The following ZNF540 variants were observed in gnomAD, a reference collection of about 807,000 sequenced individuals.
ZNF540 encodes zinc finger protein 540, also known as CTD-3064H18.6.
In ZNF540, 3 loss-of-function variants were observed where a neutral mutation model predicts 11.8. That is an observed-to-expected ratio of 0.25 (90% confidence interval 0.12 to 0.65). The LOEUF is 0.65. Among genes scored for constraint, ZNF540 ranks in the 30% least tolerant of loss-of-function variants. ZNF540 has a pLI of 0.83. For synonymous variants in ZNF540, 247 were observed against 259.0 expected (o/e 0.95, Z 0.45); for missense variants, 709 against 793.1 (o/e 0.89, Z 1.27).
At position 37,613,515 on chromosome 19, in the gene ZNF540, A is replaced by C. The variant is rs935784375; in HGVS notation, c.*252A>C. 2 of 403,302 alleles carry C rather than the reference A, an allele frequency of 5.0e-6. No homozygotes were observed. Among genetic ancestry groups the C allele is most frequent in the Non-Finnish European group, 8.8e-6 (2 of 228,120 alleles). The allele number at this position is 403,302 out of a possible 1,614,324, so 25.0% of individuals were successfully genotyped here. On this transcript the variant is annotated 3_prime_UTR_variant, in exon 5 of 5. Transcript: ENST00000316433. The stretch of plus-strand genomic sequence containing the variant: ...ATCATTGCCTTTCCACTACTCTACT[A>C]TCTGTGTGATATTAGACAAAATATT...
intron 1 of ZNF540, chr19:37,586,428 A>G: frequency 1.8e-6 from 1 of 558,672 alleles, no homozygotes; most frequent in Non-Finnish European, 3.2e-6. Context: ...TCTGGGCAGA[A>G]GACTATGCCT....
intron 1 of ZNF540, among the ~76,000 whole-genome samples, chr19:37,584,904 C>T (rs2043612494): frequency 6.8e-6 from 1 of 147,004 alleles, no homozygotes; most frequent in African/African-American, 2.5e-5. Flanking sequence ...GCGGAGCTTG[C>T]AGTGAGCCGA....
chr19:37,612,468 A>G lies in ZNF540; in HGVS notation c.1188A>G (p.Gly396=). 1.9e-6 allele frequency: 3 copies of G among 1,614,198 alleles called. No homozygotes were observed. The highest frequency in any genetic ancestry group is 2.5e-6 in the Non-Finnish European group (3 of 1,180,040). The change falls in exon 5 of 5, where the codon GGA becomes GGG. Residue 396 remains glycine, a synonymous_variant. Coordinates refer to ENST00000316433, the MANE Select transcript of ZNF540 (RefSeq NM_001172225.3). The part of the protein sequence containing the change: ...KECGKSFNVR[G]QLNRHKTIHT... ...GTGGGAAATCATTTAATGTGCGTGGACAGCTTAATCGGCATAAAACAATCC... is the reference window on the plus strand; with the variant it reads ...GTGGGAAATCATTTAATGTGCGTGGGCAGCTTAATCGGCATAAAACAATCC...
intron 1 of ZNF540, among the ~76,000 whole-genome samples, chr19:37,576,711 T>C (rs2147179243): frequency 6.6e-6 from 1 of 152,286 alleles, no homozygotes; most frequent in South Asian, 2.1e-4. Context: ...AAATAAACTA[T>C]GAAAGTGATT....
chr19:37,596,472 G>A (rs766944832), intron 1 of ZNF540, among the ~76,000 whole-genome samples: 2 of 152,074 alleles, frequency 1.3e-5, no homozygotes, highest in Non-Finnish European at 2.9e-5. Context: ...AAAGTTTGCA[G>A]ACTCCCAATC....
chr19:37,583,168 T>C (rs1568355622), intron 1 of ZNF540, among the ~76,000 whole-genome samples: 1 of 152,316 alleles, frequency 6.6e-6, no homozygotes, highest in East Asian at 1.9e-4. Flanking sequence ...GCCAACTTTA[T>C]TCAGGTCTTA....
intron 1 of ZNF540, among the ~76,000 whole-genome samples, chr19:37,571,064 G>C (rs1185479149): frequency 6.6e-6 from 1 of 152,132 alleles, no homozygotes; most frequent in African/African-American, 2.4e-5. Context: ...AACAGACTTA[G>C]AATCACTCAT....
At chr19:37,582,366 T>C (rs10153500) in intron 1 of ZNF540, among the ~76,000 whole-genome samples, 11,053 of 152,254 alleles carry the variant, frequency 0.073, 568 homozygotes, top group African/African-American at 0.13. Flanking sequence ...CTTTTGTCAG[T>C]TGGCTTCCAA....
intron 1 of ZNF540, chr19:37,563,661 C>T (rs945424876): frequency 6.7e-6 from 1 of 150,358 alleles, no homozygotes; most frequent in African/African-American, 2.5e-5. Flanking sequence ...GGAATGTATA[C>T]ATATGGGGAC....
chr19:37,589,560 G>T (rs974303825), intron 1 of ZNF540, among the ~76,000 whole-genome samples: 1 of 151,880 alleles, frequency 6.6e-6, no homozygotes, highest in African/African-American at 2.4e-5. Context: ...AAATTGAAAC[G>T]AAATTGAGAA....
chr19:37,612,070 A>G lies in ZNF540; in HGVS notation c.790A>G (p.Ile264Val), dbSNP rs913728402. 4.7e-5 allele frequency: 75 copies of G among 1,611,836 alleles called. No individual in the cohort carries two copies. Among genetic ancestry groups the G allele is most frequent in the Non-Finnish European group, 5.8e-5 (69 of 1,179,586 alleles). The stretch of plus-strand genomic sequence containing the variant: ...CCCACAACTTAATCGACATCAGAAA[A>G]TTCACACTGGTAAAAAACCCTATAT... ...LYPQLNRHQKIHTGKKPYMCK... is the reference protein window; with the variant it reads ...LYPQLNRHQKVHTGKKPYMCK... Residue 264 changes from isoleucine (I) to valine (V), a missense_variant, in exon 5 of 5, where the codon ATT (isoleucine) becomes GTT (valine). Coordinates refer to ENST00000316433, the MANE Select transcript of ZNF540 (RefSeq NM_001172225.3).
intron 1 of ZNF540, chr19:37,565,647 TAA>T: frequency 6.2e-7 from 1 of 1,613,356 alleles, no homozygotes; most frequent in Non-Finnish European, 8.5e-7. Flanking sequence ...GAACAATAAC[TAA>T]AGGCTTTTCC....
upstream of ZNF540, among the ~76,000 whole-genome samples, chr19:37,590,689 T>C (rs1257219865): frequency 6.6e-6 from 1 of 152,146 alleles, no homozygotes; most frequent in East Asian, 1.9e-4. Flanking sequence ...AACTGGTAAA[T>C]ATGTAAGGAC....
intron 1 of ZNF540, among the ~76,000 whole-genome samples, chr19:37,588,065 A>C (rs919348743): frequency 7.9e-6 from 1 of 125,878 alleles, no homozygotes; most frequent in Non-Finnish European, 1.6e-5. Context: ...GCGCCACTGC[A>C]CTCCAGCCTG....
intron 1 of ZNF540, among the ~76,000 whole-genome samples, chr19:37,559,041 A>C (rs2042690499): frequency 6.6e-6 from 1 of 152,060 alleles, no homozygotes; most frequent in Non-Finnish European, 1.5e-5. Flanking sequence ...ATGGGTTTTC[A>C]CTAACTTGCC....
rs201763648 is a variant in ZNF540, at chr19:37,565,242, A to T, written c.-73+13577A>T. On this transcript the variant is annotated intron_variant, in intron 1 of 4. Coordinates refer to the ZNF540 transcript ENST00000592533. ...GAATTAGAAATAAAGGCTTTCCCAC[A>T]TTCTTTGCATTTATAAGGTCTCTCA... is the stretch of plus-strand genomic sequence containing the variant. 36 of 1,612,754 alleles carry T rather than the reference A, an allele frequency of 2.2e-5. 1 individual carries two copies. The highest frequency in any genetic ancestry group is 3.3e-5 in the South Asian group (3 of 90,812).
rs1466803246 is a variant in ZNF540, at chr19:37,601,082, A to T, written c.209A>T (p.Asp70Val). Reference protein sequence around the residue: ...QGKEPCVVARDVTGRQCPGLL... With the variant: ...QGKEPCVVARVVTGRQCPGLL... ...AAAGAGCCCTGCGTGGTGGCGAGGG[A>T]TGTGACAGGAAGACAGTGCCCCGGT... The change falls in exon 4 of 5, where the codon GAT (aspartate) becomes GTT (valine). Residue 70 changes from aspartate (D) to valine (V), a missense_variant. Asp to Val is a radical substitution (Grantham distance 152). Coordinates refer to ENST00000316433, the MANE Select transcript of ZNF540 (RefSeq NM_001172225.3). 6.3e-7 allele frequency: 1 copy of T among 1,584,168 alleles called. No individual in the cohort carries two copies. The highest frequency in any genetic ancestry group is 8.6e-7 in the Non-Finnish European group (1 of 1,165,136).
At chr19:37,568,836 G>A (rs898568891) in intron 1 of ZNF540, among the ~76,000 whole-genome samples, 6 of 152,138 alleles carry the variant, frequency 3.9e-5, no homozygotes, top group African/African-American at 1.2e-4. Context: ...AAAAGGAGGA[G>A]TCATTTTAGG....
intron 1 of ZNF540, among the ~76,000 whole-genome samples, chr19:37,578,585 T>G (rs1243215923): frequency 2.6e-5 from 4 of 152,208 alleles, no homozygotes; most frequent in Non-Finnish European, 5.9e-5. Context: ...GCAGTCACAG[T>G]GCTGAGGGGC....
Sources: allele counts gnomAD v4.1 joint callset (sites outside exome capture counted in the v4.1 genomes callset), GRCh38; gene constraint gnomAD v4.1.1; transcripts MANE v1.5; gene names NCBI Gene and HGNC (gene_info 2026-07-23, HGNC 2026-07-21).